FNBP1L: variants seen among roughly 807,000 people sequenced by gnomAD.
FNBP1L encodes formin-binding protein 1-like.
In FNBP1L, 36 loss-of-function variants were observed where a neutral mutation model predicts 91.2. The observed-to-expected ratio is 0.39, with a 90% CI of 0.30 to 0.52. The LOEUF (loss-of-function observed/expected upper bound fraction) is 0.52, where lower values mean the gene tolerates loss of function less well. FNBP1L is among the 20% of genes least tolerant of loss of function. FNBP1L has a pLI of 0.66. For synonymous variants in FNBP1L, 242 were observed against 237.0 expected, an observed-to-expected ratio of 1.02 and a Z score of -0.19; for missense variants, 571 against 732.1, an observed-to-expected ratio of 0.78 and a Z score of 2.54.
chr1:93,511,358 C>T (rs1428266579), intron 2 of FNBP1L, among the ~76,000 whole-genome samples: 29 of 152,074 alleles, frequency 1.9e-4, no homozygotes, highest in Non-Finnish European at 2.9e-5. Flanking sequence ...CCAAACTAAG[C>T]TTCATAAGTG....
At chr1:93,551,657 T>C (rs1278388116) in intron 16 of FNBP1L, 1 of 984,910 alleles carries the variant, frequency 1.0e-6, no homozygotes, top group Non-Finnish European at 1.2e-6. Flanking sequence ...ATTCTTAACT[T>C]TGGTTTCCTA....
intron 1 of FNBP1L, among the ~76,000 whole-genome samples, chr1:93,487,955 G>T (rs1252014930): frequency 5.3e-5 from 8 of 152,118 alleles, no homozygotes; most frequent in Non-Finnish European, 1.5e-5. Flanking sequence ...GATGTCTTAA[G>T]GACATCTCAA....
chr1:93,536,060 G>A (rs548739782), intron 9 of FNBP1L, among the ~76,000 whole-genome samples: 1 of 152,056 alleles, frequency 6.6e-6, no homozygotes, highest in East Asian at 1.9e-4. Context: ...AGGCCATATT[G>A]CTTTCTTTGA....
At chr1:93,471,916 G>A (rs955205435) in intron 1 of FNBP1L, among the ~76,000 whole-genome samples, 7 of 152,164 alleles carry the variant, frequency 4.6e-5, no homozygotes, top group Non-Finnish European at 8.8e-5. Context: ...ATTTATGGGG[G>A]TGTTGGGTGG....
At chr1:93,474,775 TA>T (rs141184245) in intron 1 of FNBP1L, among the ~76,000 whole-genome samples, 4,190 of 152,314 alleles carry the variant, frequency 0.028, 198 homozygotes, top group African/African-American at 0.095. Flanking sequence ...CCAGAGCCTA[TA>T]AGCCATTCTT....
chr1:93,466,277 G>A (rs558238357), intron 1 of FNBP1L, among the ~76,000 whole-genome samples: 3 of 152,150 alleles, frequency 2.0e-5, no homozygotes, highest in South Asian at 2.1e-4. Flanking sequence ...GTCTTTGCCC[G>A]TGCCTATGTC....
intron 11 of FNBP1L, among the ~76,000 whole-genome samples, chr1:93,542,703 ATTTGTTTTGAGAGCTCCTT>A (rs1046351967): frequency 6.1e-5 from 9 of 148,558 alleles, no homozygotes; most frequent in African/African-American, 1.7e-4. Flanking sequence ...GCAAGATCGT[ATTTGTTTTGAGAGCTCCTT>A]TTAGCATCAC....
rs756385190 is a variant in FNBP1L, at chr1:93,532,995, G to A, written c.713G>A (p.Arg238His). 1.1e-5 allele frequency: 18 copies of A among 1,613,062 alleles called. No individual in the cohort carries two copies. The highest frequency in any genetic ancestry group is 8.0e-5 in the African/African-American group (6 of 74,892). ...ECYRGFADSE[R>H]KVIPIISKCL... ...TACAGAGGATTTGCTGACTCAGAACGCAAAGTTATTCCCATCATTTCAAAA... is the reference window on the plus strand; with the variant it reads ...TACAGAGGATTTGCTGACTCAGAACACAAAGTTATTCCCATCATTTCAAAA... The change falls in exon 8 of 17, where the codon CGC (arginine) becomes CAC (histidine). Residue 238 changes from arginine to histidine, a missense_variant. By Grantham distance (29) the Arg-to-His change is conservative. Around this residue, in one of 5 missense-constraint regions of FNBP1L, gnomAD observed 220 missense variants for 313.6 expected, o/e 0.70. Transcript: ENST00000271234.
rs542991929 is a variant in FNBP1L, at chr1:93,511,329, C to G, written c.141-10753C>G. Among the ~76,000 whole-genome samples the G allele has an allele frequency of 3.3e-5, 5 of 152,080 alleles. No individual in the cohort carries two copies. The South Asian group carries it at 1.0e-3, about 32-fold the overall frequency. Reference sequence around the variant, plus strand: ...CATTCTTAAAGAAAAGAATTTTCAACCCAGAATTTCATATCCAGCCAAACT... The same window carrying G: ...CATTCTTAAAGAAAAGAATTTTCAAGCCAGAATTTCATATCCAGCCAAACT... On this transcript the variant is annotated intron_variant, in intron 2 of 16. Transcript: ENST00000271234.
intron 1 of FNBP1L, among the ~76,000 whole-genome samples, chr1:93,459,910 TGGA>T (rs1293502414): frequency 6.6e-6 from 1 of 150,770 alleles, no homozygotes; most frequent in African/African-American, 2.4e-5. Flanking sequence ...CTGAAATGGT[TGGA>T]GAAGACCAGA....
At chr1:93,548,982 C>T (rs1485388337) in intron 14 of FNBP1L, among the ~76,000 whole-genome samples, 3 of 152,074 alleles carry the variant, frequency 2.0e-5, no homozygotes, top group East Asian at 3.9e-4. Flanking sequence ...GGGTCTAGAA[C>T]GTTTTTCTGT....
rs902346851 is a variant in FNBP1L at position 93,544,354 on chromosome 1, C to G, written c.1274+138C>G. ...CTTTTGAGAGAGAATTATACTCCTA[C>G]CCTGGAAATTTTTATGGTTACCCTG... On this transcript the variant is annotated intron_variant, in intron 12 of 16. Transcript: ENST00000271234. The G allele has an allele frequency of 4.3e-5, 21 of 490,154 alleles. No homozygotes were observed. The East Asian group carries it at 8.2e-4, about 19-fold the overall frequency. 30.4% of individuals were successfully genotyped at this position (490,154 alleles called of 1,614,324 possible). A position where few individuals can be genotyped will look rare whatever the true frequency, so the allele number is the denominator to read the frequency against.
Position 93,480,150 on chromosome 1 carries a change from C to T in FNBP1L, c.25-19318C>T, listed in dbSNP as rs1669645267. Among the ~76,000 whole-genome samples the T allele has an allele frequency of 2.6e-5, 4 of 152,318 alleles. No homozygotes were observed. The South Asian group carries it at 8.3e-4, about 32-fold the overall frequency. On this transcript the variant is annotated intron_variant, in intron 1 of 16. Transcript: ENST00000271234. ...GTTAGGGGTCCCTGACTTCCCACAA[C>T]AATCCCTTTCCCCACAAAGCATGCA...
At chr1:93,542,942 C>T (rs992186660) in intron 11 of FNBP1L, among the ~76,000 whole-genome samples, 1 of 151,910 alleles carries the variant, frequency 6.6e-6, no homozygotes, top group Non-Finnish European at 1.5e-5. Flanking sequence ...CCTGCCACCA[C>T]GCCTGGCTAA....
chr1:93,456,058 A>G (rs1668648129), intron 1 of FNBP1L, among the ~76,000 whole-genome samples: 1 of 152,276 alleles, frequency 6.6e-6, no homozygotes, highest in South Asian at 2.1e-4. Flanking sequence ...GCTTGAGCCC[A>G]GGAATGAGTC....
intron 2 of FNBP1L, among the ~76,000 whole-genome samples, chr1:93,520,546 T>A (rs1671287491): frequency 6.6e-6 from 1 of 152,186 alleles, no homozygotes; most frequent in Non-Finnish European, 1.5e-5. Context: ...ATTCCCAACT[T>A]CTGTACTTAT....
chr1:93,524,233 T>C, intron 4 of FNBP1L, 28 bp from the exon 5 acceptor site: 10 of 1,440,726 alleles, frequency 6.9e-6, no homozygotes, highest in Non-Finnish European at 9.1e-6. Context: ...TTATTTTTAT[T>C]TTTTTTGGCC....
chr1:93,532,917 A>G lies in FNBP1L; in HGVS notation c.640-5A>G, dbSNP rs1671730459. The G allele has an allele frequency of 2.5e-6, 4 of 1,588,920 alleles. No homozygotes were observed. Among genetic ancestry groups the G allele is most frequent in the Non-Finnish European group, 3.4e-6 (4 of 1,165,922 alleles). On this transcript the variant is annotated splice_polypyrimidine_tract_variant and splice_region_variant and intron_variant, in intron 7 of 16. Coordinates refer to ENST00000271234, the MANE Select transcript of FNBP1L (RefSeq NM_001164473.3). ...TCTCTTTTTAAAAAAATTCTTGATT[A>G]TTAGCAACTACAAGAAATGGACGAA...
Position 93,453,748 on chromosome 1 carries a change from A to G in FNBP1L, c.24+5443A>G, listed in dbSNP as rs946137695. ...TTCTATAGAATGTGAAAGCCGTTCC[A>G]TATTTCAGTTCAGGCCATGTCTATC... On this transcript the variant is annotated intron_variant, in intron 1 of 16. Coordinates refer to ENST00000271234, the MANE Select transcript of FNBP1L (RefSeq NM_001164473.3). Among the ~76,000 whole-genome samples, 3 of 152,354 alleles carry G rather than the reference A, an allele frequency of 2.0e-5. 1 individual carries two copies. The highest frequency in any genetic ancestry group is 4.1e-4 in the South Asian group (2 of 4,834).
Sources: allele counts gnomAD v4.1 joint callset (sites outside exome capture counted in the v4.1 genomes callset), GRCh38; gene constraint gnomAD v4.1.1; regional missense constraint gnomAD v4.1.1; transcripts MANE v1.5; gene names NCBI Gene and HGNC (gene_info 2026-07-23, HGNC 2026-07-21).